The following CHRM5 variants were observed in gnomAD, a reference collection of about 807,000 sequenced individuals.
The protein encoded by CHRM5 is muscarinic acetylcholine receptor M5.
CHRM5 carries 18 observed loss-of-function variants against 39.0 expected under a neutral mutation model. The ratio of observed to expected loss-of-function variants is 0.46; its 90% confidence interval spans 0.32 to 0.68. The LOEUF (loss-of-function observed/expected upper bound fraction) is 0.68, where lower values mean the gene tolerates loss of function less well. Ranked by LOEUF, CHRM5 falls within the 30% of genes least tolerant of loss-of-function variation. CHRM5 has a pLI of 0.04. For synonymous variants in CHRM5, 241 were observed against 246.3 expected (o/e 0.98, Z 0.20); for missense variants, 515 against 651.1 (o/e 0.79, Z 2.28).
At chr15:34,001,705 A>G (rs1897144525) in intron 1 of CHRM5, among the ~76,000 whole-genome samples, 2 of 12,986 alleles carry the variant, frequency 1.5e-4, no homozygotes, top group Admixed American at 3.7e-3. Context: ...TGAATCATCT[A>G]CGGTAATGAC....
At chr15:34,021,311 GT>G (rs1293833001) in intron 1 of CHRM5, among the ~76,000 whole-genome samples, 1 of 151,078 alleles carries the variant, frequency 6.6e-6, no homozygotes, top group Non-Finnish European at 1.5e-5. Context: ...TTGAGACGGA[GT>G]TTCACTCTTG....
intron 1 of CHRM5, among the ~76,000 whole-genome samples, chr15:33,998,005 T>C (rs984515935): frequency 2.0e-5 from 3 of 152,192 alleles, no homozygotes; most frequent in African/African-American, 7.2e-5. Context: ...AACTATTTCT[T>C]ACCTTCTGCT....
intron 1 of CHRM5, among the ~76,000 whole-genome samples, chr15:34,013,377 A>C (rs1204108275): frequency 6.6e-6 from 1 of 152,000 alleles, no homozygotes; most frequent in East Asian, 1.9e-4. Flanking sequence ...TTTTAAATAA[A>C]ATGAAAATAA....
At chr15:34,026,407 G>A (rs1011010429) in intron 1 of CHRM5, among the ~76,000 whole-genome samples, 1 of 152,056 alleles carries the variant, frequency 6.6e-6, no homozygotes, top group Non-Finnish European at 1.5e-5. Flanking sequence ...TATATTAAAG[G>A]GGAGGAAAGG....
intron 1 of CHRM5, among the ~76,000 whole-genome samples, chr15:33,994,035 C>T (rs928694879): frequency 1.3e-5 from 2 of 152,222 alleles, no homozygotes; most frequent in Admixed American, 6.5e-5. Flanking sequence ...TGGGCACACA[C>T]GTGCTGGAGT....
intron 1 of CHRM5, among the ~76,000 whole-genome samples, chr15:33,983,194 G>GTGTGTGT (rs1311365811): frequency 1.8e-5 from 1 of 55,724 alleles, no homozygotes; most frequent in Non-Finnish European, 2.8e-5. Context: ...GTGTGTGTAT[G>GTGTGTGT]TGTGTGTATA....
At chr15:34,047,179 G>A (rs1191085877) in intron 2 of CHRM5, among the ~76,000 whole-genome samples, 11 of 151,476 alleles carry the variant, frequency 7.3e-5, no homozygotes, top group Non-Finnish European at 1.3e-4. Flanking sequence ...CCGGGTTCAC[G>A]CCATTCTCCT....
rs1006438536 is a variant in CHRM5, at chr15:34,065,660, T to C, written c.*1344T>C. The C allele has an allele frequency of 6.6e-6, 1 of 152,060 alleles. No homozygotes were observed. The highest frequency in any genetic ancestry group is 1.5e-5 in the Non-Finnish European group (1 of 68,024). The allele number at this position is 152,060 out of a possible 1,614,324, so 9.4% of individuals were successfully genotyped here. A position where few individuals can be genotyped will look rare whatever the true frequency, so the allele number is the denominator to read the frequency against. On this transcript the variant is annotated 3_prime_UTR_variant, in exon 3 of 3. Coordinates refer to ENST00000383263, the MANE Select transcript of CHRM5 (RefSeq NM_012125.4). Reference sequence around the variant, plus strand: ...TAGTAATACATAAAAATAAAACAGTTGACATGCATGACAGCATGAGGATTA... The same window carrying C: ...TAGTAATACATAAAAATAAAACAGTCGACATGCATGACAGCATGAGGATTA...
intron 1 of CHRM5, among the ~76,000 whole-genome samples, chr15:34,006,187 T>C (rs1897331119): frequency 6.6e-6 from 1 of 152,084 alleles, no homozygotes; most frequent in Non-Finnish European, 1.5e-5. Context: ...GGCGGGCACC[T>C]GTAGTCCCAG....
At chr15:34,044,981 G>A (rs1899632596) in intron 1 of CHRM5, among the ~76,000 whole-genome samples, 1 of 152,192 alleles carries the variant, frequency 6.6e-6, no homozygotes, top group East Asian at 1.9e-4. Flanking sequence ...CTGGGAGGCG[G>A]AGCTTGCAGT....
At chr15:34,015,436 C>T (rs561228959) in intron 1 of CHRM5, among the ~76,000 whole-genome samples, 9 of 151,678 alleles carry the variant, frequency 5.9e-5, no homozygotes, top group Non-Finnish European at 1.2e-4. Context: ...GAGCCGAGAT[C>T]GCACCACTGC....
chr15:33,981,895 C>T (rs889037486), intron 1 of CHRM5, among the ~76,000 whole-genome samples: 21 of 152,218 alleles, frequency 1.4e-4, no homozygotes, highest in African/African-American at 4.8e-4. Flanking sequence ...AGTGCAGTGG[C>T]GCGATCTTGG....
intron 1 of CHRM5, among the ~76,000 whole-genome samples, chr15:34,001,065 G>A (rs964268657): frequency 9.7e-5 from 14 of 143,932 alleles, no homozygotes; most frequent in Non-Finnish European, 1.9e-4. Context: ...TTGTTGCCCA[G>A]GCTGGAGTGC....
chr15:33,990,349 T>C (rs1896667731), intron 1 of CHRM5, among the ~76,000 whole-genome samples: 1 of 151,914 alleles, frequency 6.6e-6, no homozygotes, highest in African/African-American at 2.4e-5. Context: ...GCCACTGCCC[T>C]CCAGCATGGG....
intron 1 of CHRM5, among the ~76,000 whole-genome samples, chr15:34,045,914 T>C (rs570659269): frequency 3.0e-4 from 46 of 152,200 alleles, no homozygotes; most frequent in Non-Finnish European, 4.7e-4. Flanking sequence ...CTTTTATTAC[T>C]GTGGGAGTCT....
intron 1 of CHRM5, among the ~76,000 whole-genome samples, chr15:33,980,950 T>C (rs1175785641): frequency 2.0e-5 from 3 of 152,150 alleles, no homozygotes; most frequent in African/African-American, 4.8e-5. Context: ...AAGATTAACA[T>C]AGGATTCAGA....
At chr15:34,013,942 C>A (rs1052604418) in intron 1 of CHRM5, among the ~76,000 whole-genome samples, 10 of 152,316 alleles carry the variant, frequency 6.6e-5, no homozygotes, top group African/African-American at 2.4e-4. Context: ...TCTTCCCAAC[C>A]TCAAGAACAG....
intron 1 of CHRM5, chr15:34,039,135 C>T: frequency 3.9e-6 from 4 of 1,029,490 alleles, no homozygotes; most frequent in Non-Finnish European, 3.5e-6. Context: ...CACGGAGGAG[C>T]CGCGAGCGAA....
At chr15:34,037,227 T>C (rs866734289) in intron 1 of CHRM5, among the ~76,000 whole-genome samples, 1 of 152,136 alleles carries the variant, frequency 6.6e-6, no homozygotes, top group Non-Finnish European at 1.5e-5. Flanking sequence ...AGTAAAGTCC[T>C]GTGCGCCAGA....
Sources: allele counts gnomAD v4.1 joint callset (sites outside exome capture counted in the v4.1 genomes callset), GRCh38; gene constraint gnomAD v4.1.1; transcripts MANE v1.5; gene names NCBI Gene and HGNC (gene_info 2026-07-23, HGNC 2026-07-21).